Variants in RBFOX1 observed in about 807,000 individuals in gnomAD.
RBFOX1 encodes the protein RNA binding fox-1 homolog 1, also known as RNA binding protein fox-1 homolog 1.
In RBFOX1, 8 loss-of-function variants were observed where a neutral mutation model predicts 57.7. That is an observed-to-expected ratio of 0.14 (90% CI 0.08 to 0.25). RBFOX1 has a LOEUF of 0.25. Among genes scored for constraint, RBFOX1 ranks in the 10% least tolerant of loss-of-function variants. The probability of loss-of-function intolerance (pLI) is 1.00; values close to 1 mark genes in which losing one functional copy is unlikely to be tolerated. For synonymous variants in RBFOX1, 326 were observed against 222.4 expected, an observed-to-expected ratio of 1.47 and a Z score of -4.15; for missense variants, 611 against 548.5, an observed-to-expected ratio of 1.11 and a Z score of -1.14.
intron 2 of RBFOX1, among the ~76,000 whole-genome samples, chr16:5,478,119 A>G (rs1468148364): frequency 2.6e-5 from 4 of 152,186 alleles, no homozygotes; most frequent in Admixed American, 2.0e-4. Context: ...GCAGCCAAAC[A>G]TTCCCTGATT....
At chr16:6,920,623 C>G (rs1597259951) in intron 3 of RBFOX1, among the ~76,000 whole-genome samples, 1 of 152,156 alleles carries the variant, frequency 6.6e-6, no homozygotes, top group East Asian at 1.9e-4. Context: ...GAGATATTAG[C>G]TCCTTCTGGA....
intron 2 of RBFOX1, among the ~76,000 whole-genome samples, chr16:6,498,960 C>G (rs912079231): frequency 2.0e-5 from 3 of 152,152 alleles, no homozygotes; most frequent in Non-Finnish European, 2.9e-5. Context: ...CCAATACACC[C>G]CATTGGCAAA....
chr16:7,286,433 C>G (rs996054423), intron 4 of RBFOX1, among the ~76,000 whole-genome samples: 1 of 149,858 alleles, frequency 6.7e-6, no homozygotes, highest in African/African-American at 2.5e-5. Flanking sequence ...GGGTTTCATA[C>G]TTTGATACTT....
intron 3 of RBFOX1, among the ~76,000 whole-genome samples, chr16:6,725,639 T>G (rs1403785487): frequency 6.6e-6 from 1 of 152,218 alleles, no homozygotes; most frequent in Non-Finnish European, 1.5e-5. Context: ...GTAGTCATTC[T>G]TTATTCCTTT....
chr16:7,262,862 G>A (rs1419894876), intron 4 of RBFOX1, among the ~76,000 whole-genome samples: 7 of 152,232 alleles, frequency 4.6e-5, no homozygotes, highest in African/African-American at 1.7e-4. Context: ...ATCATAGATA[G>A]GACAAGAGAG....
intron 3 of RBFOX1, among the ~76,000 whole-genome samples, chr16:6,677,163 T>C (rs1341186864): frequency 6.6e-6 from 1 of 152,170 alleles, no homozygotes; most frequent in Non-Finnish European, 1.5e-5. Flanking sequence ...AATTCCAAAA[T>C]ATTCAATGAA....
intron 2 of RBFOX1, among the ~76,000 whole-genome samples, chr16:5,511,623 G>T (rs1311617472): frequency 6.6e-6 from 1 of 152,124 alleles, no homozygotes; most frequent in East Asian, 1.9e-4. Context: ...AACTTTTTGA[G>T]TAGGTTCCAG....
intron 2 of RBFOX1, among the ~76,000 whole-genome samples, chr16:6,570,158 A>G (rs1295158300): frequency 1.3e-5 from 2 of 152,206 alleles, no homozygotes; most frequent in African/African-American, 2.4e-5. Context: ...TTCGTTATAT[A>G]TTAGGAAACT....
intron 3 of RBFOX1, among the ~76,000 whole-genome samples, chr16:6,878,794 G>A (rs574024516): frequency 3.9e-5 from 6 of 152,096 alleles, no homozygotes; most frequent in Non-Finnish European, 7.3e-5. Context: ...AAAGTGCTTT[G>A]GGCTTTTCAC....
At chr16:5,329,809 C>A (rs369901440) in intron 1 of RBFOX1, among the ~76,000 whole-genome samples, 24 of 152,206 alleles carry the variant, frequency 1.6e-4, no homozygotes, top group African/African-American at 5.8e-4. Context: ...ACCATCCTGG[C>A]TAACATGGTG....
At chr16:5,882,400 C>G (rs537328640) in intron 4 of RBFOX1, among the ~76,000 whole-genome samples, 35 of 152,290 alleles carry the variant, frequency 2.3e-4, no homozygotes, top group East Asian at 1.4e-3. Context: ...CTGGAAAAGT[C>G]ATACATTACT....
intron 5 of RBFOX1, among the ~76,000 whole-genome samples, chr16:7,538,377 T>C (rs1162250709): frequency 2.0e-5 from 3 of 152,192 alleles, no homozygotes; most frequent in Non-Finnish European, 2.9e-5. Context: ...TCCACTGTTA[T>C]TACTGCCACA....
At chr16:5,625,607 G>C (rs1006151157) in intron 3 of RBFOX1, among the ~76,000 whole-genome samples, 2 of 150,944 alleles carry the variant, frequency 1.3e-5, no homozygotes, top group Non-Finnish European at 2.9e-5. Flanking sequence ...ACCCCGGCTC[G>C]AGTATGGTGG....
chr16:7,409,418 G>A (rs2098399772), intron 4 of RBFOX1, among the ~76,000 whole-genome samples: 1 of 152,188 alleles, frequency 6.6e-6, no homozygotes, highest in African/African-American at 2.4e-5. Flanking sequence ...TATTTTTAGT[G>A]GTTGGAGAAT....
intron 2 of RBFOX1, among the ~76,000 whole-genome samples, chr16:6,577,614 C>T (rs746899328): frequency 2.6e-5 from 4 of 152,178 alleles, no homozygotes; most frequent in Non-Finnish European, 5.9e-5. Flanking sequence ...TGTATTGGCT[C>T]ATCATTCCCA....
intron 2 of RBFOX1, among the ~76,000 whole-genome samples, chr16:6,603,415 G>T (rs2097881170): frequency 6.6e-6 from 1 of 152,154 alleles, no homozygotes; most frequent in Non-Finnish European, 1.5e-5. Context: ...ACCATCTCCT[G>T]CACAAAACAA....
intron 4 of RBFOX1, among the ~76,000 whole-genome samples, chr16:5,898,668 C>A (rs1385571921): frequency 1.3e-5 from 2 of 151,900 alleles, no homozygotes; most frequent in African/African-American, 4.8e-5. Context: ...TAGTGAGTGG[C>A]AAGTCCAGAA....
chr16:6,130,975 AC>A, intron 1 of RBFOX1, among the ~76,000 whole-genome samples: 1 of 152,320 alleles, frequency 6.6e-6, no homozygotes. Flanking sequence ...AACATTCATA[AC>A]CAGATCAGCA....
intron 3 of RBFOX1, among the ~76,000 whole-genome samples, chr16:6,668,189 T>C (rs1446090885): frequency 2.0e-5 from 3 of 152,180 alleles, no homozygotes; most frequent in Non-Finnish European, 2.9e-5. Context: ...TGGAAACAGA[T>C]TGAATCTCTG....
Sources: allele counts gnomAD v4.1 joint callset (sites outside exome capture counted in the v4.1 genomes callset), GRCh38; gene constraint gnomAD v4.1.1; transcripts MANE v1.5; gene names NCBI Gene and HGNC (gene_info 2026-07-23, HGNC 2026-07-21).